PTPRE: variants seen among roughly 807,000 people sequenced by gnomAD.
PTPRE encodes the protein receptor-type tyrosine-protein phosphatase epsilon.
In PTPRE, 51 loss-of-function variants were observed where a neutral mutation model predicts 102.0. The observed-to-expected ratio is 0.50, with a 90% CI of 0.40 to 0.63. The LOEUF (loss-of-function observed/expected upper bound fraction) is 0.63. Among genes scored for constraint, PTPRE ranks in the 30% least tolerant of loss-of-function variants. The pLI is 0.00. For synonymous variants in PTPRE, 345 were observed against 348.2 expected (o/e 0.99, Z 0.10); for missense variants, 752 against 915.1 (o/e 0.82, Z 2.30).
rs5788882 is a variant in PTPRE at position 127,961,018 on chromosome 10, CA to C, written c.-30-21241del. Among the ~76,000 whole-genome samples the C allele has an allele frequency of 3.4e-3, 481 of 140,322 alleles. 2 individuals carry two copies. Among genetic ancestry groups the C allele is most frequent in the African/African-American group, 9.2e-3 (346 of 37,700 alleles). The allele number at this position is 140,322 out of a possible 152,430, so 92.1% of individuals were successfully genotyped here. A position where few individuals can be genotyped will look rare whatever the true frequency, so the allele number is the denominator to read the frequency against. On this transcript the variant is annotated intron_variant, in intron 1 of 20. Coordinates refer to ENST00000254667, the MANE Select transcript of PTPRE (RefSeq NM_006504.6). ...CCTGGGCCAAAGACCCAGACTCTGT[CA>C]AAAAAAAAAAAAAATACAGAAACAA...
intron 1 of PTPRE, among the ~76,000 whole-genome samples, chr10:127,947,016 G>A (rs1251335284): frequency 1.7e-5 from 2 of 120,544 alleles, no homozygotes; most frequent in Non-Finnish European, 3.3e-5. Flanking sequence ...ATGAGACCCT[G>A]TCTCAAAAAA....
chr10:127,992,443 G>T (rs938850853), intron 2 of PTPRE, among the ~76,000 whole-genome samples: 2 of 152,262 alleles, frequency 1.3e-5, no homozygotes, highest in Admixed American at 6.5e-5. Flanking sequence ...AAAATACAAA[G>T]GGTGGCAGCT....
intron 1 of PTPRE, among the ~76,000 whole-genome samples, chr10:127,968,281 T>C (rs1402409757): frequency 6.6e-6 from 1 of 152,160 alleles, no homozygotes; most frequent in East Asian, 1.9e-4. Flanking sequence ...GTCAGGACAA[T>C]GAAGAGAGGC....
intron 2 of PTPRE, among the ~76,000 whole-genome samples, chr10:128,035,419 G>A (rs1259178703): frequency 6.6e-6 from 1 of 152,164 alleles, no homozygotes; most frequent in African/African-American, 2.4e-5. Context: ...ATGTTTTAGA[G>A]AAGCATATAT....
chr10:127,935,980 C>G (rs1847821736), intron 1 of PTPRE: 1 of 152,266 alleles, frequency 6.6e-6, no homozygotes, highest in Non-Finnish European at 1.5e-5. Flanking sequence ...TCCTAATGTG[C>G]AGGTGACGAT....
chr10:128,060,764 C>T lies in PTPRE; in HGVS notation c.512-175C>T, dbSNP rs78189102. Among the ~76,000 whole-genome samples the T allele has an allele frequency of 5.8e-3, 883 of 152,298 alleles. 6 individuals are homozygous for T. The highest frequency in any genetic ancestry group is 0.014 in the Middle Eastern group (4 of 294). ...TTCTCTCTCAGGACACTAGTGTTCT[C>T]CATGGGAACGCTGAGGAAGAACATC... On this transcript the variant is annotated intron_variant, in intron 7 of 20. Transcript: ENST00000254667.
At position 128,070,447 on chromosome 10, in the gene PTPRE, C is replaced by T. The variant is rs779851632; in HGVS notation, c.1290C>T (p.Phe430=). 3.9e-5 allele frequency: 63 copies of T among 1,612,860 alleles called. No individual in the cohort carries two copies. Among genetic ancestry groups the T allele is most frequent in the Non-Finnish European group, 5.2e-5 (61 of 1,179,604 alleles). ...HFDKIGLEEE[F]RKLTNVRIMK... ...ACAAGATCGGGCTGGAGGAGGAGTTCAGGGTGAGTACAGCTGACCCTCCTC... is the reference window on the plus strand; with the variant it reads ...ACAAGATCGGGCTGGAGGAGGAGTTTAGGGTGAGTACAGCTGACCCTCCTC... Residue 430 remains phenylalanine (F), a synonymous_variant, in exon 14 of 21, where the codon TTC becomes TTT. Coordinates refer to ENST00000254667, the MANE Select transcript of PTPRE (RefSeq NM_006504.6). The surrounding 1 kb of genome is among the most constrained non-coding windows in gnomAD (Gnocchi z 4.8).
intron 1 of PTPRE, among the ~76,000 whole-genome samples, chr10:127,911,732 C>T (rs913654841): frequency 1.1e-4 from 17 of 152,314 alleles, no homozygotes; most frequent in African/African-American, 3.4e-4. Flanking sequence ...ATTTGGGCCA[C>T]GTGTCTCTCT....
intron 19 of PTPRE, among the ~76,000 whole-genome samples, chr10:128,078,240 C>T (rs753762616): frequency 5.3e-5 from 8 of 152,190 alleles, no homozygotes; most frequent in Non-Finnish European, 7.3e-5. Context: ...ATTGTAGCCA[C>T]GCTGGTCCTG....
chr10:127,999,992 C>G (rs1853702171), intron 2 of PTPRE: 1 of 981,632 alleles, frequency 1.0e-6, no homozygotes, highest in Non-Finnish European at 1.2e-6. Flanking sequence ...AGCGCAGACG[C>G]GGAAAGGGAT....
chr10:128,006,991 A>G (rs759929724), intron 2 of PTPRE, among the ~76,000 whole-genome samples: 1 of 152,232 alleles, frequency 6.6e-6, no homozygotes, highest in Non-Finnish European at 1.5e-5. Flanking sequence ...TGACCTGAAC[A>G]TTGCTAAGCA....
At chr10:127,951,485 C>T (rs957086845) in intron 1 of PTPRE, among the ~76,000 whole-genome samples, 2 of 152,126 alleles carry the variant, frequency 1.3e-5, no homozygotes, top group African/African-American at 2.4e-5. Context: ...GTCACCATGG[C>T]CCCCCAGTTA....
At chr10:128,049,745 TA>T (rs1051641551) in intron 6 of PTPRE, 79 bp downstream of exon 6, 1 of 1,585,590 alleles carries the variant, frequency 6.3e-7, no homozygotes, top group African/African-American at 1.3e-5. Context: ...CAGGATGAAT[TA>T]TCCCAAAGAC....
chr10:127,948,637 C>G (rs78872312), intron 1 of PTPRE, among the ~76,000 whole-genome samples: 2 of 152,174 alleles, frequency 1.3e-5, no homozygotes, highest in Middle Eastern at 3.2e-3. Context: ...GCTTCTTTCA[C>G]TTAATAATAC....
intron 2 of PTPRE, among the ~76,000 whole-genome samples, chr10:128,039,931 A>C (rs1322875305): frequency 4.6e-5 from 7 of 152,190 alleles, no homozygotes; most frequent in Non-Finnish European, 1.5e-5. Flanking sequence ...ACATTTAGCG[A>C]TGCTCTGATG....
chr10:127,990,228 A>G (rs1182395251), intron 2 of PTPRE, among the ~76,000 whole-genome samples: 1 of 151,964 alleles, frequency 6.6e-6, no homozygotes. Context: ...CCTGGCCAGT[A>G]TGGTAAAACC....
At chr10:128,000,646 A>G (rs1853778867) in intron 2 of PTPRE, among the ~76,000 whole-genome samples, 1 of 152,340 alleles carries the variant, frequency 6.6e-6, no homozygotes, top group African/African-American at 2.4e-5. Flanking sequence ...ATTGGTTTTG[A>G]TACTTATGAT....
intron 1 of PTPRE, among the ~76,000 whole-genome samples, chr10:127,952,334 CGCCCCCCCTA>C: frequency 8.9e-6 from 1 of 112,454 alleles, no homozygotes; most frequent in Middle Eastern, 4.0e-3. Context: ...GTGCCCACCC[CGCCCCCCCTA>C]GCCCTTAGTT....
At chr10:127,931,234 T>C (rs1589760839) in intron 1 of PTPRE, among the ~76,000 whole-genome samples, 2 of 152,194 alleles carry the variant, frequency 1.3e-5, no homozygotes, top group African/African-American at 4.8e-5. Flanking sequence ...AAGTTGTTTA[T>C]CTCCTTTAAT....
Sources: gnomAD v4.1 joint callset for allele counts (sites outside exome capture counted in the v4.1 genomes callset) on GRCh38, gnomAD v4.1.1 for gene constraint, Gnocchi (gnomAD v3.1) non-coding constraint, MANE v1.5 for transcripts, NCBI Gene and HGNC (gene_info 2026-07-23, HGNC 2026-07-21) for gene names.